TPM3: variants seen among roughly 807,000 people sequenced by gnomAD.
TPM3 encodes the protein tropomyosin 3, also known as tropomyosin alpha-3 chain.
Under a neutral mutation model 43.1 loss-of-function variants are expected in TPM3, and 16 were observed. The ratio of observed to expected loss-of-function variants is 0.37; its 90% confidence interval spans 0.25 to 0.56. TPM3 has a LOEUF of 0.56. Among genes scored for constraint, TPM3 ranks in the 20% least tolerant of loss-of-function variants. TPM3 has a pLI of 0.77. For synonymous variants in TPM3, 101 were observed against 116.9 expected (o/e 0.86, Z 0.88); for missense variants, 176 against 337.2 (o/e 0.52, Z 3.74).
intron 8 of TPM3, 116 bp downstream of exon 8, chr1:154,170,284 T>G: frequency 8.8e-7 from 1 of 1,137,498 alleles, no homozygotes; most frequent in Non-Finnish European, 1.3e-6. Context: ...GCACATGATA[T>G]TAATACATGC....
chr1:154,183,681 C>T (rs1663232607), intron 2 of TPM3: 1 of 176,608 alleles, frequency 5.7e-6, no homozygotes, highest in African/African-American at 2.4e-5. Flanking sequence ...TCAAAAGAGC[C>T]CCACTCAGTC....
chr1:154,174,497 G>A (rs1485217696), intron 3 of TPM3, among the ~76,000 whole-genome samples: 1 of 140,580 alleles, frequency 7.1e-6, no homozygotes, highest in Non-Finnish European at 1.5e-5. Flanking sequence ...TTTTCCCCCC[G>A]GTATTCAGCA....
chr1:154,187,601 G>A lies in TPM3; in HGVS notation c.243+3585C>T, dbSNP rs190445367. Among the ~76,000 whole-genome samples the A allele has an allele frequency of 1.5e-4, 23 of 151,762 alleles. 1 individual carries two copies. Among genetic ancestry groups the A allele is most frequent in the Admixed American group, 1.4e-3 (22 of 15,276 alleles). On this transcript the variant is annotated intron_variant, in intron 2 of 9. Coordinates refer to ENST00000651641, the MANE Select transcript of TPM3 (RefSeq NM_152263.4). ...TGAGGGGTGCTATGTGTGTGTATGT[G>A]TATGTCTGTACATGTGTAAAACAGA... is the stretch of plus-strand genomic sequence containing the variant.
At chr1:154,171,613 G>C in intron 5 of TPM3, 125 bp from the exon 6 acceptor site, 1 of 1,039,112 alleles carries the variant, frequency 9.6e-7, no homozygotes, top group Non-Finnish European at 1.5e-6. Flanking sequence ...TACTGGGGAA[G>C]AGATGTTCCC....
In TPM3 at chr1:154,169,295, A is replaced by G. The variant is rs1423810742; in HGVS notation, c.854+10T>C. The G allele has an allele frequency of 6.2e-7, 1 of 1,613,906 alleles. No individual in the cohort carries two copies. Among genetic ancestry groups the G allele is most frequent in the Non-Finnish European group, 8.5e-7 (1 of 1,179,910 alleles). Reference sequence around the variant, plus strand: ...AAGATCCCAGCCCCACTCTACTGTCAGATAGTTACATAGAGGTCATGTCAT... The same window carrying G: ...AAGATCCCAGCCCCACTCTACTGTCGGATAGTTACATAGAGGTCATGTCAT... On this transcript the variant is annotated intron_variant, in intron 9 of 9. Transcript: ENST00000651641.
chr1:154,169,244 C>G, intron 9 of TPM3, 61 bp downstream of exon 9: 1 of 1,527,986 alleles, frequency 6.5e-7, no homozygotes, highest in South Asian at 1.1e-5. Context: ...CTATGCATAG[C>G]TTGTACCCCC....
intron 2 of TPM3, chr1:154,183,325 G>A: frequency 6.8e-7 from 1 of 1,464,506 alleles, no homozygotes; most frequent in Non-Finnish European, 9.0e-7. Context: ...GGCAGGGAGT[G>A]GATCCTCCCA....
chr1:154,170,277 CAT>C (rs1438580533), intron 8 of TPM3, 121 bp downstream of exon 8: 3 of 1,057,964 alleles, frequency 2.8e-6, no homozygotes, highest in Non-Finnish European at 4.4e-6. Context: ...GGACAGTGCA[CAT>C]GATATTAATA....
At chr1:154,188,971 A>G (rs937214027) in intron 2 of TPM3, among the ~76,000 whole-genome samples, 1 of 151,098 alleles carries the variant, frequency 6.6e-6, no homozygotes. Context: ...TCTCTACTAA[A>G]AATATAAAAA....
chr1:154,184,786 C>T (rs1663327027), intron 2 of TPM3, among the ~76,000 whole-genome samples: 1 of 150,552 alleles, frequency 6.6e-6, no homozygotes, highest in African/African-American at 2.4e-5. Context: ...GGTGGCAGCA[C>T]GTCTGTAGTC....
chr1:154,158,488 A>G (rs536589169), downstream of TPM3: 5 of 276,324 alleles, frequency 1.8e-5, no homozygotes, highest in African/African-American at 1.1e-4. Context: ...TCTTCAACTC[A>G]GAGAAGGTGA....
intron 9 of TPM3, 45 bp from the exon 10 acceptor site, chr1:154,167,985 C>G: frequency 6.2e-7 from 1 of 1,613,242 alleles, no homozygotes; most frequent in Non-Finnish European, 8.5e-7. Context: ...GGACTAGCAT[C>G]AATCTAGATA....
intron 2 of TPM3, among the ~76,000 whole-genome samples, chr1:154,188,510 C>T (rs935673836): frequency 6.6e-6 from 1 of 150,848 alleles, no homozygotes; most frequent in African/African-American, 2.5e-5. Flanking sequence ...CCCATCTCTA[C>T]TAAAAATACA....
chr1:154,157,572 C>T (rs1051229), downstream of TPM3: 2 of 768,482 alleles, frequency 2.6e-6, no homozygotes, highest in African/African-American at 3.4e-5. Context: ...GTCAGCTTCC[C>T]GCAGGCTGGC....
chr1:154,189,218 C>T (rs1267362503), intron 2 of TPM3, among the ~76,000 whole-genome samples: 5 of 139,612 alleles, frequency 3.6e-5, no homozygotes, highest in Admixed American at 2.2e-4. Context: ...CGCAGTGGCT[C>T]ACGCCTGTAA....
chr1:154,173,198 A>G lies in TPM3; in HGVS notation c.381T>C (p.Gly127=), dbSNP rs1252308959. 1 of 1,613,192 alleles carries G rather than the reference A, an allele frequency of 6.2e-7. No homozygotes were observed. Among genetic ancestry groups the G allele is most frequent in the Non-Finnish European group, 8.5e-7 (1 of 1,179,726 alleles). Residue 127 remains glycine (G), a synonymous_variant, in exon 4 of 10, where the codon GGT becomes GGC. Transcript: ENST00000651641. ...AGGCCCGGTTTTCAATAACCTTCAT[A>G]CCTCTGCCAGAAATAGGACAAAAGC... ...AEKAADESER[G]MKVIENRALK...
At chr1:154,157,693 G>A (rs780352949), downstream of TPM3, 2 of 780,770 alleles carry the variant, frequency 2.6e-6, no homozygotes, top group Admixed American at 1.7e-5. Context: ...GTGTACAGAG[G>A]TGCTCCTCTT....
intron 1 of TPM3, 24 bp from the exon 2 acceptor site, chr1:154,191,335 C>T (rs1663674106): frequency 6.2e-7 from 1 of 1,613,452 alleles, no homozygotes; most frequent in Non-Finnish European, 8.5e-7. Flanking sequence ...GAGAGTCACA[C>T]ACAAAAACAC....
chr1:154,174,786 G>A (rs559336153), intron 3 of TPM3, among the ~76,000 whole-genome samples: 21 of 151,210 alleles, frequency 1.4e-4, no homozygotes, highest in Middle Eastern at 3.4e-3. Flanking sequence ...GAGCCACTGC[G>A]CCCGGCCCTC....
Sources: allele counts gnomAD v4.1 joint callset (sites outside exome capture counted in the v4.1 genomes callset), GRCh38; gene constraint gnomAD v4.1.1; transcripts MANE v1.5; gene names NCBI Gene and HGNC (gene_info 2026-07-23, HGNC 2026-07-21).